Variants in RAP1GAP2 observed in about 807,000 individuals in gnomAD.
RAP1GAP2 encodes rap1 GTPase-activating protein 2.
Under a neutral mutation model 95.0 loss-of-function variants are expected in RAP1GAP2, and 27 were observed. That is an observed-to-expected ratio of 0.28 (90% confidence interval 0.21 to 0.39). The LOEUF (loss-of-function observed/expected upper bound fraction) is 0.39. Among genes scored for constraint, RAP1GAP2 ranks in the 10% least tolerant of loss-of-function variants. The pLI, the probability that RAP1GAP2 is intolerant of heterozygous loss-of-function variation, is 1.00. For missense variants in RAP1GAP2, 771 were observed against 970.0 expected (o/e 0.79, Z 2.72); for synonymous variants, 373 against 380.9 (o/e 0.98, Z 0.24).
intron 17 of RAP1GAP2, among the ~76,000 whole-genome samples, chr17:3,015,182 T>G (rs1324635784): frequency 6.8e-6 from 1 of 147,424 alleles, no homozygotes; most frequent in East Asian, 2.0e-4. Context: ...AAACTGTTGC[T>G]AGGTGACCCT....
chr17:2,801,197 G>C (rs1469070051), intron 2 of RAP1GAP2, among the ~76,000 whole-genome samples: 1 of 151,476 alleles, frequency 6.6e-6, no homozygotes, highest in Non-Finnish European at 1.5e-5. Flanking sequence ...ATATTGGGCT[G>C]GGCATGGTGG....
chr17:2,988,082 C>T (rs559925932), intron 11 of RAP1GAP2, among the ~76,000 whole-genome samples: 16 of 152,114 alleles, frequency 1.1e-4, no homozygotes, highest in African/African-American at 3.6e-4. Context: ...TGGTGGTGGG[C>T]GCCTATAGTC....
chr17:2,843,014 G>A (rs930259206), intron 2 of RAP1GAP2, among the ~76,000 whole-genome samples: 1 of 152,140 alleles, frequency 6.6e-6, no homozygotes, highest in South Asian at 2.1e-4. Flanking sequence ...GTAGGGCGAT[G>A]ACTAAGGTGT....
chr17:3,025,918 C>A, intron 19 of RAP1GAP2, 90 bp from the exon 20 acceptor site: 1 of 958,312 alleles, frequency 1.0e-6, no homozygotes, highest in Non-Finnish European at 1.6e-6. Context: ...TGCCCCTCAC[C>A]GTGCCGAGAG....
chr17:2,918,184 C>G (rs1440041971), intron 3 of RAP1GAP2, among the ~76,000 whole-genome samples: 1 of 151,846 alleles, frequency 6.6e-6, no homozygotes, highest in East Asian at 1.9e-4. Flanking sequence ...ACCTGTAATC[C>G]CAGCACTTTG....
At chr17:2,951,808 C>T (rs902526277) in intron 3 of RAP1GAP2, among the ~76,000 whole-genome samples, 8 of 151,388 alleles carry the variant, frequency 5.3e-5, no homozygotes, top group Non-Finnish European at 7.4e-5. Flanking sequence ...CCGAGGCAGG[C>T]GGATCATTTG....
chr17:2,782,631 G>T (rs1362666570), intron 1 of RAP1GAP2, among the ~76,000 whole-genome samples: 1 of 152,110 alleles, frequency 6.6e-6, no homozygotes, highest in Non-Finnish European at 1.5e-5. Context: ...CCTGCACCAG[G>T]CCCTGGACTA....
chr17:2,960,457 C>A (rs577640751), intron 4 of RAP1GAP2, among the ~76,000 whole-genome samples: 1 of 152,212 alleles, frequency 6.6e-6, no homozygotes, highest in Non-Finnish European at 1.5e-5. Context: ...GGCCCTCCCA[C>A]GCCCTCCTGA....
At chr17:2,886,153 G>GTATA (rs1289260225) in intron 2 of RAP1GAP2, among the ~76,000 whole-genome samples, 1 of 108,774 alleles carries the variant, frequency 9.2e-6, no homozygotes, top group African/African-American at 4.1e-5. Flanking sequence ...GTGTGTGTGT[G>GTATA]TGTGTGTGTA....
chr17:3,028,841 C>T (rs1424184301), intron 22 of RAP1GAP2, among the ~76,000 whole-genome samples: 1 of 152,160 alleles, frequency 6.6e-6, no homozygotes, highest in Non-Finnish European at 1.5e-5. Context: ...CACTCTGCCA[C>T]CCAGGCTGGA....
rs761442664 is a variant in RAP1GAP2 at position 2,962,697 on chromosome 17, G to A, written c.229G>A (p.Gly77Arg). 3 of 1,595,508 alleles carry A rather than the reference G, an allele frequency of 1.9e-6. No individual in the cohort carries two copies. Among genetic ancestry groups the A allele is most frequent in the South Asian group, 2.3e-5 (2 of 87,846 alleles). Residue 77 changes from glycine to arginine, a missense_variant, in exon 5 of 25, where the codon GGA becomes AGA. By Grantham distance (125) the Gly-to-Arg change is moderately radical. Coordinates refer to ENST00000254695, the MANE Select transcript of RAP1GAP2 (RefSeq NM_015085.5). ...GATCAAGCTTGAAGAGCAGAAGCCG[G>A]GACCCCAGAAGAACAAGGTGGGCTG... is the stretch of plus-strand genomic sequence containing the variant. ...QGIKLEEQKP[G>R]PQKNKDDYIP... is the part of the protein sequence containing the mutation.
chr17:2,962,890 G>C (rs1020810939), intron 5 of RAP1GAP2, 176 bp downstream of exon 5: 4 of 631,554 alleles, frequency 6.3e-6, no homozygotes, highest in Middle Eastern at 8.5e-4. Flanking sequence ...GTGGGCAGCA[G>C]AGGGGTCCTG....
intron 22 of RAP1GAP2, among the ~76,000 whole-genome samples, chr17:3,030,014 T>C (rs2047240662): frequency 6.7e-6 from 1 of 149,964 alleles, no homozygotes; most frequent in South Asian, 2.1e-4. Context: ...GATATTACCA[T>C]GTTTGTTAAT....
chr17:2,934,893 C>T (rs1381312498), intron 3 of RAP1GAP2, among the ~76,000 whole-genome samples: 4 of 152,178 alleles, frequency 2.6e-5, no homozygotes, highest in Non-Finnish European at 4.4e-5. Context: ...CTTAGCTATT[C>T]GTGTGAAACA....
At chr17:3,017,563 TCA>T (rs1423594761) in intron 17 of RAP1GAP2, among the ~76,000 whole-genome samples, 1 of 152,166 alleles carries the variant, frequency 6.6e-6, no homozygotes, top group Non-Finnish European at 1.5e-5. Context: ...AGATGGAGGC[TCA>T]GTTTTCTGGA....
At chr17:2,805,071 A>C (rs958646093) in intron 2 of RAP1GAP2, among the ~76,000 whole-genome samples, 7 of 151,704 alleles carry the variant, frequency 4.6e-5, no homozygotes, top group African/African-American at 1.5e-4. Context: ...TACATCCCTG[A>C]CTCCTTAGGG....
chr17:2,928,679 G>A (rs945117206), intron 3 of RAP1GAP2, among the ~76,000 whole-genome samples: 1 of 152,102 alleles, frequency 6.6e-6, no homozygotes. Flanking sequence ...TATCACTGGC[G>A]GGCAAACACT....
In RAP1GAP2 at chr17:2,832,355, G is replaced by A. The variant is rs139248612; in HGVS notation, c.80+31805G>A. Among the ~76,000 whole-genome samples, 1,431 of 151,112 alleles carry A rather than the reference G, an allele frequency of 9.5e-3. 23 individuals are homozygous for A. The highest frequency in any genetic ancestry group is 0.032 in the African/African-American group (1,324 of 41,122). The stretch of plus-strand genomic sequence containing the variant: ...GGGTGGATCACGAGGTCAGGAGATC[G>A]AGATCATCCTGGCTAAAACGGTGAA... On this transcript the variant is annotated intron_variant, in intron 2 of 24. Transcript: ENST00000254695.
intron 14 of RAP1GAP2, among the ~76,000 whole-genome samples, chr17:3,001,421 G>A (rs868686281): frequency 0.016 from 1,859 of 114,482 alleles, 1 homozygote; most frequent in Non-Finnish European, 0.025. Context: ...TCCTGATGCC[G>A]GAGAAGGGAC....
Sources: gnomAD v4.1 joint callset for allele counts (sites outside exome capture counted in the v4.1 genomes callset) on GRCh38, gnomAD v4.1.1 for gene constraint, MANE v1.5 for transcripts, NCBI Gene and HGNC (gene_info 2026-07-23, HGNC 2026-07-21) for gene names.